Variants in PLEKHH2 observed in about 807,000 individuals in gnomAD.
PLEKHH2 encodes the protein pleckstrin homology, MyTH4 and FERM domain containing H2.
A neutral mutation model predicts 187.9 loss-of-function variants in PLEKHH2; 129 were observed. The observed-to-expected ratio is 0.69, with a 90% confidence interval of 0.59 to 0.79. The LOEUF (loss-of-function observed/expected upper bound fraction) is 0.79, where lower values mean the gene tolerates loss of function less well. PLEKHH2 is among the 30% of genes least tolerant of loss of function. The pLI, the probability that PLEKHH2 is intolerant of heterozygous loss-of-function variation, is 0.00. For synonymous variants in PLEKHH2, 686 were observed against 605.6 expected (o/e 1.13, Z -1.95); for missense variants, 2,076 against 1,751.2 (o/e 1.19, Z -3.31).
chr2:43,764,149 G>T, intron 28 of PLEKHH2, 79 bp from the exon 29 acceptor site: 3 of 837,378 alleles, frequency 3.6e-6, no homozygotes, highest in Non-Finnish European at 5.1e-6. Flanking sequence ...CCTTTTAATG[G>T]AGATATATTA....
In PLEKHH2 at chr2:43,767,191, C is replaced by G. The variant is rs986603733; in HGVS notation, c.*1593C>G. On this transcript the variant is annotated 3_prime_UTR_variant, in exon 30 of 30. Coordinates refer to ENST00000282406, the MANE Select transcript of PLEKHH2 (RefSeq NM_172069.4). ...TTTGGACATATATTTATCACTTTGT[C>G]ATTTTTTTTAACCAATTTGAGAAAT... The G allele has an allele frequency of 6.6e-6, 1 of 152,210 alleles. No individual in the cohort carries two copies. Among genetic ancestry groups the G allele is most frequent in the East Asian group, 1.9e-4 (1 of 5,222 alleles). The allele number at this position is 152,210 out of a possible 1,614,324, so 9.4% of individuals were successfully genotyped here.
chr2:43,665,765 T>A (rs1667165695), intron 2 of PLEKHH2, among the ~76,000 whole-genome samples: 1 of 129,762 alleles, frequency 7.7e-6, no homozygotes, highest in South Asian at 2.9e-4. Context: ...TGCTGGGGGG[T>A]GCCTCCCAGT....
chr2:43,765,558 T>C lies in PLEKHH2; in HGVS notation c.4442T>C (p.Leu1481Pro). 2 of 1,613,470 alleles carry C rather than the reference T, an allele frequency of 1.2e-6. No individual in the cohort carries two copies. The highest frequency in any genetic ancestry group is 2.2e-5 in the East Asian group (1 of 44,870). Residue 1481 changes from leucine (L) to proline (P), a missense_variant, in exon 30 of 30, where the codon CTG (leucine) becomes CCG (proline). Transcript: ENST00000282406. ...QARMMGSQPL[L>P]SSSRPTKGPT... ...AGAATGATGGGAAGCCAGCCTCTTC[T>C]GTCAAGCAGCAGACCGACCAAAGGC... is the stretch of plus-strand genomic sequence containing the variant.
At position 43,743,873 on chromosome 2, in the gene PLEKHH2, T is replaced by C. The variant is rs750053845; in HGVS notation, c.3439T>C (p.Leu1147=). The C allele has an allele frequency of 6.2e-7, 1 of 1,614,102 alleles. No individual in the cohort carries two copies. Among genetic ancestry groups the C allele is most frequent in the East Asian group, 2.2e-5 (1 of 44,880 alleles). Residue 1147 remains leucine, a synonymous_variant, in exon 23 of 30, where the codon TTG becomes CTG. Transcript: ENST00000282406. ...CGCATCTACCACAGTGGAAGAATTT[T>C]TGAATACTTTGAACCAGGACACAGG... is the stretch of plus-strand genomic sequence containing the variant. The part of the protein sequence containing the change: ...FDASTTVEEF[L]NTLNQDTGMR...
Position 43,697,185 on chromosome 2 carries a change from A to T in PLEKHH2, c.517A>T (p.Lys173Ter). The change falls in exon 7 of 30, where the codon AAG becomes TAG. Residue 173 changes from lysine (K) to a stop codon, truncating the protein, a stop_gained. Transcript: ENST00000282406. LOFTEE classifies it high-confidence loss of function. The part of the protein sequence containing the change: ...QSKLQEVQGK[K>*]SSTVSTLKLS... ...CGATGTTGTAGAAGTTCAAGGAAAGAAGTCATCCACTGTCTCTACACTAAA... is the reference window on the plus strand; with the variant it reads ...CGATGTTGTAGAAGTTCAAGGAAAGTAGTCATCCACTGTCTCTACACTAAA... The T allele has an allele frequency of 6.4e-7, 1 of 1,574,680 alleles. No homozygotes were observed. The highest frequency in any genetic ancestry group is 8.6e-7 in the Non-Finnish European group (1 of 1,165,304).
chr2:43,711,112 A>G (rs1669942256), intron 14 of PLEKHH2: 1 of 985,734 alleles, frequency 1.0e-6, no homozygotes, highest in Non-Finnish European at 1.2e-6. Flanking sequence ...CAGTCTTGCC[A>G]GAAATCTGTT....
chr2:43,680,996 C>G (rs1668147282), intron 3 of PLEKHH2: 1 of 1,229,158 alleles, frequency 8.1e-7, no homozygotes, highest in East Asian at 2.7e-5. Context: ...TGTTCATATG[C>G]CAACTGGAAA....
rs1384392308 is a variant in PLEKHH2, at chr2:43,738,335, A to T, written c.2944-6A>T. ...CCTTGAATATATCTTTTTTTGTTTAATTCAGACCTGCCAGCTTTTTATAAA... is the reference window on the plus strand; with the variant it reads ...CCTTGAATATATCTTTTTTTGTTTATTTCAGACCTGCCAGCTTTTTATAAA... On this transcript the variant is annotated splice_polypyrimidine_tract_variant and splice_region_variant and intron_variant, in intron 19 of 29. Transcript: ENST00000282406. 3.1e-6 allele frequency: 5 copies of T among 1,600,784 alleles called. No homozygotes were observed. The highest frequency in any genetic ancestry group is 1.7e-5 in the Admixed American group (1 of 58,534).
intron 4 of PLEKHH2, among the ~76,000 whole-genome samples, chr2:43,693,133 C>G (rs1164879391): frequency 6.6e-6 from 1 of 152,020 alleles, no homozygotes; most frequent in African/African-American, 2.4e-5. Flanking sequence ...AAGGGTTTTG[C>G]CATGTTGGCC....
At chr2:43,671,102 GC>G (rs1176923408) in intron 2 of PLEKHH2, among the ~76,000 whole-genome samples, 4 of 151,248 alleles carry the variant, frequency 2.6e-5, no homozygotes, top group African/African-American at 7.3e-5. Flanking sequence ...TCCTGCCTCT[GC>G]CCCCCACTGA....
intron 2 of PLEKHH2, chr2:43,675,533 C>T (rs148983932): frequency 3.7e-6 from 6 of 1,613,964 alleles, no homozygotes; most frequent in Non-Finnish European, 5.1e-6. Context: ...CAGCCTTCTA[C>T]TACTTGCTGA....
At chr2:43,727,210 C>T (rs945678948) in intron 17 of PLEKHH2, among the ~76,000 whole-genome samples, 8 of 151,954 alleles carry the variant, frequency 5.3e-5, no homozygotes, top group Non-Finnish European at 8.8e-5. Flanking sequence ...TCAGGAAGAT[C>T]GAGACCATCT....
At chr2:43,715,717 A>T (rs1670180231) in intron 15 of PLEKHH2, among the ~76,000 whole-genome samples, 1 of 152,240 alleles carries the variant, frequency 6.6e-6, no homozygotes, top group African/African-American at 2.4e-5. Flanking sequence ...GAGAGAGCTC[A>T]GGAAAGAGGA....
Position 43,679,471 on chromosome 2 carries a change from C to T in PLEKHH2, c.186+546C>T, listed in dbSNP as rs186550730. The T allele has an allele frequency of 4.8e-3, 1,614 of 338,084 alleles. 5 individuals carry two copies. The highest frequency in any genetic ancestry group is 7.7e-3 in the Non-Finnish European group (1,351 of 176,096). 20.9% of individuals were successfully genotyped at this position (338,084 alleles called of 1,614,324 possible). A position where few individuals can be genotyped will look rare whatever the true frequency, so the allele number is the denominator to read the frequency against. On this transcript the variant is annotated intron_variant, in intron 3 of 29. Coordinates refer to ENST00000282406, the MANE Select transcript of PLEKHH2 (RefSeq NM_172069.4). ...CAAATGTTTACAATTGTTTGAATTA[C>T]GGAATCAGGAATGATTTTTTCCCTT...
At chr2:43,685,617 T>A (rs1269083901) in intron 3 of PLEKHH2, among the ~76,000 whole-genome samples, 1 of 151,446 alleles carries the variant, frequency 6.6e-6, no homozygotes, top group Non-Finnish European at 1.5e-5. Flanking sequence ...TTTTTTTTTT[T>A]TTTTTGTAGA....
intron 2 of PLEKHH2, among the ~76,000 whole-genome samples, chr2:43,659,743 G>A (rs1666972604): frequency 6.6e-6 from 1 of 151,858 alleles, no homozygotes; most frequent in South Asian, 2.1e-4. Context: ...ATTTTTAGTA[G>A]AGACAGTGTT....
At chr2:43,688,588 C>A (rs999722801) in intron 3 of PLEKHH2, among the ~76,000 whole-genome samples, 1 of 152,140 alleles carries the variant, frequency 6.6e-6, no homozygotes, top group Non-Finnish European at 1.5e-5. Context: ...TGGAAAATAG[C>A]CCTGGAAGCT....
rs941571904 is a variant in PLEKHH2 at position 43,716,474 on chromosome 2, A to G, written c.2460+4091A>G. ...CATTCAGGAAAGTAGGATGTACCCA[A>G]GGATAAATAGAAGGCTTGGTAAGTA... On this transcript the variant is annotated intron_variant, in intron 15 of 29. Transcript: ENST00000282406. Among the ~76,000 whole-genome samples, 8 of 152,218 alleles carry G rather than the reference A, an allele frequency of 5.3e-5. No homozygotes were observed. In the East Asian group the frequency reaches 1.5e-3, roughly 29 times the overall value.
At chr2:43,736,361 A>G (rs1201103030) in intron 19 of PLEKHH2, among the ~76,000 whole-genome samples, 2 of 152,178 alleles carry the variant, frequency 1.3e-5, no homozygotes, top group Admixed American at 1.3e-4. Context: ...TGTTGAATGT[A>G]GGCAGTGTAG....
Sources: gnomAD v4.1 joint callset for allele counts (sites outside exome capture counted in the v4.1 genomes callset) on GRCh38, gnomAD v4.1.1 for gene constraint, MANE v1.5 for transcripts, NCBI Gene and HGNC (gene_info 2026-07-23, HGNC 2026-07-21) for gene names.